CCDC12: variants seen among roughly 807,000 people sequenced by gnomAD.
CCDC12 encodes the protein coiled-coil domain containing 12.
In CCDC12, 28 loss-of-function variants were observed where a neutral mutation model predicts 25.7. The ratio of observed to expected loss-of-function variants is 1.09; its 90% CI spans 0.81 to 1.50. The LOEUF is 1.50. Ranked by LOEUF, CCDC12 falls within the 40% of genes most tolerant of loss-of-function variation. The probability of loss-of-function intolerance (pLI) is 0.00; values close to 1 mark genes in which losing one functional copy is unlikely to be tolerated. For missense variants in CCDC12, 198 were observed against 210.0 expected (o/e 0.94, Z 0.35); for synonymous variants, 75 against 87.7 (o/e 0.86, Z 0.81).
At chr3:46,957,052 G>A (rs1357177976) in intron 1 of CCDC12, among the ~76,000 whole-genome samples, 2 of 152,140 alleles carry the variant, frequency 1.3e-5, no homozygotes, top group Non-Finnish European at 2.9e-5. Context: ...GAGTCTTGGG[G>A]GAGGAAGACC....
At chr3:46,955,531 C>T (rs77614153) in intron 1 of CCDC12, among the ~76,000 whole-genome samples, 3 of 151,932 alleles carry the variant, frequency 2.0e-5, no homozygotes, top group Non-Finnish European at 2.9e-5. Flanking sequence ...GCAGACTGAG[C>T]GGTCAGAGAG....
intron 1 of CCDC12, among the ~76,000 whole-genome samples, chr3:46,962,733 T>C (rs1575560710): frequency 6.6e-6 from 1 of 152,146 alleles, no homozygotes; most frequent in Non-Finnish European, 1.5e-5. Flanking sequence ...AAACTAACTA[T>C]ACCAAGTATT....
At chr3:46,958,062 C>G (rs577691015) in intron 1 of CCDC12, among the ~76,000 whole-genome samples, 4 of 150,676 alleles carry the variant, frequency 2.7e-5, no homozygotes, top group African/African-American at 9.8e-5. Flanking sequence ...AAAAGCCCAC[C>G]AAGAGTTTGG....
At chr3:46,980,896 A>G (rs1026195432), upstream of CCDC12, among the ~76,000 whole-genome samples, 1 of 152,200 alleles carries the variant, frequency 6.6e-6, no homozygotes, top group Non-Finnish European at 1.5e-5. Context: ...CCTGGGCACA[A>G]TGGACCATTG....
At chr3:46,968,508 C>A (rs1256333201) in intron 1 of CCDC12, among the ~76,000 whole-genome samples, 2 of 152,234 alleles carry the variant, frequency 1.3e-5, no homozygotes, top group African/African-American at 2.4e-5. Flanking sequence ...TAGACAGCAT[C>A]TTTCTCTGTT....
At chr3:46,964,035 C>T (rs1301076069) in intron 1 of CCDC12, among the ~76,000 whole-genome samples, 4 of 151,804 alleles carry the variant, frequency 2.6e-5, no homozygotes, top group African/African-American at 9.7e-5. Context: ...GGCCACCCAT[C>T]GTCTGAGATG....
chr3:46,929,718 G>C (rs1399626910), intron 2 of CCDC12, among the ~76,000 whole-genome samples: 3 of 152,158 alleles, frequency 2.0e-5, no homozygotes, highest in African/African-American at 4.8e-5. Flanking sequence ...CTCTAGGACT[G>C]ACTTTTTTTC....
chr3:46,957,174 T>C (rs2034315886), intron 1 of CCDC12, among the ~76,000 whole-genome samples: 1 of 152,032 alleles, frequency 6.6e-6, no homozygotes, highest in African/African-American at 2.4e-5. Flanking sequence ...AGACTCCAAA[T>C]GGTGAGTTGT....
At chr3:46,925,687 T>C in intron 2 of CCDC12, 152 bp from the exon 3 acceptor site, 1 of 727,954 alleles carries the variant, frequency 1.4e-6, no homozygotes, top group Non-Finnish European at 2.2e-6. Context: ...CAGAATGGAG[T>C]GTCATCAGGC....
chr3:46,942,316 A>G (rs2033741928), intron 1 of CCDC12, among the ~76,000 whole-genome samples: 1 of 152,264 alleles, frequency 6.6e-6, no homozygotes, highest in African/African-American at 2.4e-5. Context: ...GTCTCCCTGC[A>G]TGCCAGGGTT....
At chr3:46,923,426 G>T in intron 4 of CCDC12, 63 bp from the exon 5 acceptor site, 1 of 1,554,412 alleles carries the variant, frequency 6.4e-7, no homozygotes, top group Non-Finnish European at 8.7e-7. Flanking sequence ...GGGAGGGCAG[G>T]CTCGAGAAGG....
At chr3:46,963,647 C>G (rs979763827) in intron 1 of CCDC12, among the ~76,000 whole-genome samples, 4 of 151,952 alleles carry the variant, frequency 2.6e-5, no homozygotes, top group East Asian at 1.9e-4. Flanking sequence ...TGGTGGAGAC[C>G]GGGTTTCGCT....
At chr3:46,940,921 T>C (rs571922981) in intron 2 of CCDC12, 77 bp downstream of exon 2, 46 of 1,402,592 alleles carry the variant, frequency 3.3e-5, no homozygotes, top group East Asian at 6.8e-5. Flanking sequence ...CTGAACAGAG[T>C]TGGGAGGACC....
intron 3 of CCDC12, chr3:46,925,203 C>A (rs2032893380): frequency 1.5e-6 from 1 of 668,364 alleles, no homozygotes; most frequent in Non-Finnish European, 2.8e-6. Context: ...CCACTCAGAT[C>A]CCTGGGAGGC....
intron 2 of CCDC12, among the ~76,000 whole-genome samples, chr3:46,938,808 C>T (rs1446268724): frequency 6.6e-6 from 1 of 151,534 alleles, no homozygotes; most frequent in Non-Finnish European, 1.5e-5. Flanking sequence ...ACTGAGATAG[C>T]GCCACTGCAC....
At chr3:46,927,786 C>T (rs556962412) in intron 2 of CCDC12, among the ~76,000 whole-genome samples, 1 of 152,340 alleles carries the variant, frequency 6.6e-6, no homozygotes, top group South Asian at 2.1e-4. Flanking sequence ...ATCTGATGTG[C>T]AGCCACTGTT....
chr3:46,959,323 T>G (rs1396734600), intron 1 of CCDC12, among the ~76,000 whole-genome samples: 1 of 152,204 alleles, frequency 6.6e-6, no homozygotes, highest in African/African-American at 2.4e-5. Context: ...TGGGCCAGTT[T>G]AGCTTCTCAG....
chr3:46,963,842 A>G (rs1047295213), intron 1 of CCDC12, among the ~76,000 whole-genome samples: 1 of 152,318 alleles, frequency 6.6e-6, no homozygotes, highest in East Asian at 1.9e-4. Context: ...TTGGCCTCCC[A>G]AAGTGCCGAG....
At chr3:46,946,154 GC>G (rs1246436528) in intron 1 of CCDC12, among the ~76,000 whole-genome samples, 2 of 152,182 alleles carry the variant, frequency 1.3e-5, no homozygotes, top group African/African-American at 4.8e-5. Context: ...TCCTCCTCTT[GC>G]CCCTTCCCAC....
Sources: allele counts gnomAD v4.1 joint callset (sites outside exome capture counted in the v4.1 genomes callset), GRCh38; gene constraint gnomAD v4.1.1; transcripts MANE v1.5; gene names NCBI Gene and HGNC (gene_info 2026-07-23, HGNC 2026-07-21).